LNX1: variants seen among roughly 807,000 people sequenced by gnomAD.
LNX1 encodes E3 ubiquitin-protein ligase LNX.
A neutral mutation model predicts 68.4 loss-of-function variants in LNX1; 54 were observed. The observed-to-expected ratio is 0.79, with a 90% CI of 0.63 to 0.99. The LOEUF (loss-of-function observed/expected upper bound fraction) is 0.99. Ranked by LOEUF, LNX1 falls within the 50% of genes least tolerant of loss-of-function variation. The pLI is 0.00. For missense variants in LNX1, 906 were observed against 926.4 expected (o/e 0.98, Z 0.29); for synonymous variants, 336 against 350.0 (o/e 0.96, Z 0.45).
chr4:53,489,410 T>C (rs747761626), intron 6 of LNX1, among the ~76,000 whole-genome samples: 1 of 152,168 alleles, frequency 6.6e-6, no homozygotes, highest in Non-Finnish European at 1.5e-5. Context: ...TATGGGGTCA[T>C]ACAGATGTCA....
chr4:53,469,550 G>C (rs992438831), intron 9 of LNX1, among the ~76,000 whole-genome samples: 2 of 152,108 alleles, frequency 1.3e-5, no homozygotes, highest in Non-Finnish European at 1.5e-5. Context: ...ATGAATCCAG[G>C]AGCTGGTTTT....
chr4:53,599,191 T>C (rs918456296), intron 2 of LNX1, among the ~76,000 whole-genome samples: 1 of 152,174 alleles, frequency 6.6e-6, no homozygotes, highest in African/African-American at 2.4e-5. Flanking sequence ...CAGACAGTTA[T>C]GGCATTCTAA....
intron 2 of LNX1, among the ~76,000 whole-genome samples, chr4:53,518,150 G>C (rs1226354411): frequency 1.3e-5 from 2 of 152,202 alleles, no homozygotes; most frequent in Non-Finnish European, 2.9e-5. Flanking sequence ...GTCTTGGCTT[G>C]TCAGGGTGCG....
chr4:53,563,792 C>A (rs1730448332), intron 2 of LNX1, among the ~76,000 whole-genome samples: 1 of 152,212 alleles, frequency 6.6e-6, no homozygotes, highest in Non-Finnish European at 1.5e-5. Context: ...CTCGGCCTCC[C>A]AAAGTGCTGG....
upstream of LNX1, among the ~76,000 whole-genome samples, chr4:53,622,169 A>G (rs972700950): frequency 6.6e-6 from 1 of 152,166 alleles, no homozygotes; most frequent in African/African-American, 2.4e-5. Context: ...GTGTTTCCTA[A>G]GAAGGAAACT....
At chr4:53,502,394 T>TTA (rs1253235233) in intron 4 of LNX1, among the ~76,000 whole-genome samples, 1 of 152,148 alleles carries the variant, frequency 6.6e-6, no homozygotes, top group Non-Finnish European at 1.5e-5. Flanking sequence ...CACTGTACTC[T>TTA]AGTCTATCAA....
chr4:53,581,172 G>C (rs1159371529), intron 1 of LNX1, among the ~76,000 whole-genome samples: 1 of 152,020 alleles, frequency 6.6e-6, no homozygotes, highest in Non-Finnish European at 1.5e-5. Flanking sequence ...CATGACAGTT[G>C]TACCCTTATC....
chr4:53,609,569 A>C (rs1335153061), intron 2 of LNX1, among the ~76,000 whole-genome samples: 1 of 146,644 alleles, frequency 6.8e-6, no homozygotes, highest in Admixed American at 6.9e-5. Context: ...ATAATATATA[A>C]AATAATATAT....
intron 2 of LNX1, among the ~76,000 whole-genome samples, chr4:53,538,913 A>C (rs1728561865): frequency 6.6e-6 from 1 of 152,258 alleles, no homozygotes; most frequent in South Asian, 2.1e-4. Context: ...AAGTAATCAC[A>C]GGGAACAAGC....
intron 2 of LNX1, among the ~76,000 whole-genome samples, chr4:53,550,858 C>T (rs1438710272): frequency 6.6e-6 from 1 of 152,132 alleles, no homozygotes; most frequent in East Asian, 1.9e-4. Flanking sequence ...GAAGGGGATA[C>T]TGAAAAGCCA....
chr4:53,474,229 A>T (rs540251873), intron 9 of LNX1, among the ~76,000 whole-genome samples: 1 of 152,358 alleles, frequency 6.6e-6, no homozygotes, highest in East Asian at 1.9e-4. Context: ...TTTAAATAAA[A>T]TGCATGGTAC....
At chr4:53,535,050 T>G (rs1728272431) in intron 2 of LNX1, among the ~76,000 whole-genome samples, 1 of 152,266 alleles carries the variant, frequency 6.6e-6, no homozygotes, top group African/African-American at 2.4e-5. Flanking sequence ...TTTGTCATTT[T>G]GCAGGGAATA....
At position 53,460,103 on chromosome 4, in the gene LNX1, ACACT is replaced by A. The variant is rs1193753136; in HGVS notation, c.*800_*803del. The A allele has an allele frequency of 1.0e-5, 2 of 199,824 alleles. No homozygotes were observed. Among genetic ancestry groups the A allele is most frequent in the African/African-American group, 4.6e-5 (2 of 43,422 alleles). 12.4% of individuals were successfully genotyped at this position (199,824 alleles called of 1,614,324 possible). On this transcript the variant is annotated 3_prime_UTR_variant, in exon 11 of 11. Coordinates refer to ENST00000263925, the MANE Select transcript of LNX1 (RefSeq NM_001126328.3). ...TAGTTTCTAGGAGGCATGTGTACACACACTCTTCATTGTGGCACAAATTTAAATC... is the reference window on the plus strand; with the variant it reads ...TAGTTTCTAGGAGGCATGTGTACACACTTCATTGTGGCACAAATTTAAATC...
chr4:53,534,142 T>A (rs986232791), intron 2 of LNX1, among the ~76,000 whole-genome samples: 1 of 152,222 alleles, frequency 6.6e-6, no homozygotes, highest in Non-Finnish European at 1.5e-5. Context: ...TAGGGCCCAG[T>A]TACCCCATGG....
chr4:53,579,357 C>G (rs1731687278), intron 1 of LNX1: 1 of 752,238 alleles, frequency 1.3e-6, no homozygotes, highest in East Asian at 1.3e-4. Context: ...AGGACAGAAA[C>G]CAGAGGTGAT....
chr4:53,636,119 A>G (rs1437669327), intron 1 of LNX1, among the ~76,000 whole-genome samples: 4 of 149,688 alleles, frequency 2.7e-5, no homozygotes, highest in Non-Finnish European at 4.4e-5. Context: ...ACTGAGGACA[A>G]TGCCTGCAAT....
chr4:53,570,043 C>G (rs929347845), intron 2 of LNX1, among the ~76,000 whole-genome samples: 174 of 152,070 alleles, frequency 1.1e-3, no homozygotes, highest in African/African-American at 2.3e-3. Flanking sequence ...TGGAGAAATA[C>G]GAACACTTTT....
At position 53,506,531 on chromosome 4, in the gene LNX1, T is replaced by C. The variant is rs372792932; in HGVS notation, c.775+786A>G. On this transcript the variant is annotated intron_variant, in intron 4 of 10. Coordinates refer to ENST00000263925, the MANE Select transcript of LNX1 (RefSeq NM_001126328.3). ...ATTTGAGCAACCTAAGTAACCTCTC[T>C]GTGCCACAGTTTCCTCATCTGTAAA... is the stretch of plus-strand genomic sequence containing the variant. Among the ~76,000 whole-genome samples, 5 of 152,208 alleles carry C rather than the reference T, an allele frequency of 3.3e-5. No homozygotes were observed. In the East Asian group the frequency reaches 7.7e-4, roughly 24 times the overall value.
chr4:53,478,737 G>T lies in LNX1; in HGVS notation c.1491C>A (p.Leu497=). 1 of 1,613,460 alleles carries T rather than the reference G, an allele frequency of 6.2e-7. No homozygotes were observed. The highest frequency in any genetic ancestry group is 8.5e-7 in the Non-Finnish European group (1 of 1,179,612). Residue 497 remains leucine (L), a synonymous_variant, in exon 8 of 11, where the codon CTC becomes CTA. Coordinates refer to ENST00000263925, the MANE Select transcript of LNX1 (RefSeq NM_001126328.3). ...PGERSNTPKP[L]HPTITCHEKV... is the part of the protein sequence containing the mutation. ...TCTCATGACAAGTAATTGTAGGATG[G>T]AGGGGCTGAAGGCACAGATGGAAAA...
Sources: allele counts gnomAD v4.1 joint callset (sites outside exome capture counted in the v4.1 genomes callset), GRCh38; gene constraint gnomAD v4.1.1; transcripts MANE v1.5; gene names NCBI Gene and HGNC (gene_info 2026-07-23, HGNC 2026-07-21).